TXLNB: variants seen among roughly 807,000 people sequenced by gnomAD.
TXLNB encodes beta-taxilin.
A neutral mutation model predicts 57.4 loss-of-function variants in TXLNB; 37 were observed. That is an observed-to-expected ratio of 0.64 (90% CI 0.50 to 0.85). The LOEUF (loss-of-function observed/expected upper bound fraction) is 0.85, where lower values mean the gene tolerates loss of function less well. Ranked by LOEUF, TXLNB falls within the 40% of genes least tolerant of loss-of-function variation. TXLNB has a pLI of 0.00. For missense variants in TXLNB, 848 were observed against 825.6 expected (o/e 1.03, Z -0.33); for synonymous variants, 302 against 309.6 (o/e 0.98, Z 0.26).
chr6:139,227,297 C>T, the TXLNB span, among the ~76,000 whole-genome samples: 2 of 151,894 alleles, frequency 1.3e-5, no homozygotes, highest in South Asian at 4.2e-4. Context: ...CAAAATCACA[C>T]CACTGCACTC....
chr6:139,254,311 CGATTT>C (rs1475565595), intron 7 of TXLNB, among the ~76,000 whole-genome samples: 1 of 114,972 alleles, frequency 8.7e-6, no homozygotes, highest in Non-Finnish European at 1.7e-5. Context: ...ACAATGAACA[CGATTT>C]GTGTGTGTGT....
At chr6:139,201,537 A>G in the TXLNB span, 28 of 152,322 alleles carry the variant, frequency 1.8e-4, no homozygotes, top group Non-Finnish European at 3.5e-4. Context: ...CTGCTCCAAC[A>G]TGCCTCTGGC....
At chr6:139,184,484 T>C in the TXLNB span, among the ~76,000 whole-genome samples, 1 of 152,208 alleles carries the variant, frequency 6.6e-6, no homozygotes, top group Admixed American at 6.5e-5. Flanking sequence ...TTGAAATCAA[T>C]AGTTGTGTCT....
At chr6:139,319,774 A>C in the TXLNB span, among the ~76,000 whole-genome samples, 1 of 152,134 alleles carries the variant, frequency 6.6e-6, no homozygotes, top group Non-Finnish European at 1.5e-5. Flanking sequence ...CTAAAAAAAT[A>C]AATAAGTAAA....
At chr6:139,255,926 A>C (rs898428097) in intron 6 of TXLNB, among the ~76,000 whole-genome samples, 1 of 150,536 alleles carries the variant, frequency 6.6e-6, no homozygotes, top group African/African-American at 2.4e-5. Context: ...AAAAAAAAAA[A>C]CCAAAATTAG....
chr6:139,198,492 T>A, the TXLNB span, among the ~76,000 whole-genome samples: 1 of 151,828 alleles, frequency 6.6e-6, no homozygotes, highest in African/African-American at 2.4e-5. Flanking sequence ...ACCTCCAGAT[T>A]GTTACAATGT....
intron 2 of TXLNB, among the ~76,000 whole-genome samples, chr6:139,277,773 C>T (rs1235150493): frequency 6.6e-6 from 1 of 152,064 alleles, no homozygotes; most frequent in Non-Finnish European, 1.5e-5. Context: ...GGGCATTTTT[C>T]CCATCCCTAC....
Position 139,288,952 on chromosome 6 carries a change from A to G in TXLNB, c.-14-39T>C, listed in dbSNP as rs375901758. ...CAGTTAGGCTTTATGTAGCTAACCTACTTGCTACATATCAATGCTACATTT... is the reference window on the plus strand; with the variant it reads ...CAGTTAGGCTTTATGTAGCTAACCTGCTTGCTACATATCAATGCTACATTT... On this transcript the variant is annotated intron_variant, in intron 1 of 9. Transcript: ENST00000358430. 13 of 1,418,308 alleles carry G rather than the reference A, an allele frequency of 9.2e-6. No homozygotes were observed. The African/African-American group carries it at 1.4e-4, about 15-fold the overall frequency. 87.9% of individuals were successfully genotyped at this position (1,418,308 alleles called of 1,614,324 possible). A position where few individuals can be genotyped will look rare whatever the true frequency, so the allele number is the denominator to read the frequency against.
At chr6:139,195,789 T>A in the TXLNB span, among the ~76,000 whole-genome samples, 2 of 152,198 alleles carry the variant, frequency 1.3e-5, no homozygotes, top group Non-Finnish European at 2.9e-5. Context: ...TGACTTTGTA[T>A]GCTAACTTGA....
At chr6:139,215,082 C>T in the TXLNB span, among the ~76,000 whole-genome samples, 2 of 152,088 alleles carry the variant, frequency 1.3e-5, no homozygotes, top group African/African-American at 4.8e-5. Context: ...AATGCCATCC[C>T]CATCAAGCTA....
Position 139,247,869 on chromosome 6 carries a change from G to A in TXLNB, c.1118C>T (p.Thr373Ile), listed in dbSNP as rs768532458. Residue 373 changes from threonine to isoleucine, a missense_variant, in exon 8 of 10, where the codon ACA (threonine) becomes ATA (isoleucine). Transcript: ENST00000358430. ...AAACACCTCGTTGCTTTTAGTTAGT[G>A]TGCTCTGGAATTCTTCAAACCTTCC... is the stretch of plus-strand genomic sequence containing the variant. The part of the protein sequence containing the change: ...YSGRFEEFQS[T>I]LTKSNEVFAT... The A allele has an allele frequency of 1.2e-6, 2 of 1,609,134 alleles. No homozygotes were observed. Among genetic ancestry groups the A allele is most frequent in the South Asian group, 1.1e-5 (1 of 90,118 alleles).
chr6:139,250,331 T>A (rs1776168798), intron 7 of TXLNB, among the ~76,000 whole-genome samples: 1 of 151,342 alleles, frequency 6.6e-6, no homozygotes, highest in Non-Finnish European at 1.5e-5. Context: ...TCTGTTCAAC[T>A]GTGTTTTTTC....
chr6:139,288,492 T>A lies in TXLNB; in HGVS notation c.408A>T (p.Lys136Asn), dbSNP rs1198585103. Residue 136 changes from lysine (K) to asparagine (N), a missense_variant, in exon 2 of 10, where the codon AAA (lysine) becomes AAT (asparagine). By Grantham distance (94) the Lys-to-Asn change is moderately conservative (BLOSUM62 0). Transcript: ENST00000358430. ...VSNKEQKLEKKILKGLGKEAN... is the reference protein window; with the variant it reads ...VSNKEQKLEKNILKGLGKEAN... ...ACTACTTGCCTAATCCTTTTAGGAT[T>A]TTCTTTTCCAATTTTTGCTCCTTAT... The A allele has an allele frequency of 1.2e-6, 2 of 1,614,032 alleles. No homozygotes were observed. The highest frequency in any genetic ancestry group is 8.5e-7 in the Non-Finnish European group (1 of 1,179,982).
the TXLNB span, chr6:139,179,234 T>C: frequency 1.3e-5 from 2 of 152,236 alleles, no homozygotes; most frequent in African/African-American, 4.8e-5. Context: ...GTCCTCGTAA[T>C]ACCATTTGGA....
At chr6:139,216,074 C>T in the TXLNB span, among the ~76,000 whole-genome samples, 1 of 152,140 alleles carries the variant, frequency 6.6e-6, no homozygotes, top group East Asian at 1.9e-4. Flanking sequence ...GGCGATTCCT[C>T]AGGGATCTAG....
chr6:139,284,881 G>A (rs966012064), intron 2 of TXLNB, among the ~76,000 whole-genome samples: 1 of 146,164 alleles, frequency 6.8e-6, no homozygotes, highest in African/African-American at 2.5e-5. Context: ...TTAAAATGGT[G>A]GTTACAAGTT....
the TXLNB span, among the ~76,000 whole-genome samples, chr6:139,220,933 G>A: frequency 2.0e-5 from 3 of 152,182 alleles, no homozygotes; most frequent in Admixed American, 6.5e-5. Flanking sequence ...ATGCTCAAGA[G>A]ACAAGCTGGA....
chr6:139,305,092 G>A, the TXLNB span, among the ~76,000 whole-genome samples: 5,333 of 152,150 alleles, frequency 0.035, 287 homozygotes, highest in African/African-American at 0.12. Context: ...TGAATTCAAC[G>A]TAACTTAAAT....
At chr6:139,244,135 T>A (rs181285553) in intron 9 of TXLNB, among the ~76,000 whole-genome samples, 22 of 152,306 alleles carry the variant, frequency 1.4e-4, no homozygotes, top group African/African-American at 5.1e-4. Flanking sequence ...ATTGGAGGAA[T>A]TAAAAAGATA....
Sources: gnomAD v4.1 joint callset for allele counts (sites outside exome capture counted in the v4.1 genomes callset) on GRCh38, gnomAD v4.1.1 for gene constraint, MANE v1.5 for transcripts, NCBI Gene and HGNC (gene_info 2026-07-23, HGNC 2026-07-21) for gene names.